The following WDFY4 variants were observed in gnomAD, a reference collection of about 807,000 sequenced individuals.
WDFY4 encodes WDFY family member 4, also known as WD repeat- and FYVE domain-containing protein 4.
In WDFY4, 169 loss-of-function variants were observed where a neutral mutation model predicts 351.9. The observed-to-expected ratio is 0.48, with a 90% CI of 0.42 to 0.55. The LOEUF (loss-of-function observed/expected upper bound fraction) is 0.55, where lower values mean the gene tolerates loss of function less well. Among genes scored for constraint, WDFY4 ranks in the 20% least tolerant of loss-of-function variants. The probability of loss-of-function intolerance (pLI) is 0.00; values close to 1 mark genes in which losing one functional copy is unlikely to be tolerated. For missense variants in WDFY4, 3,803 were observed against 3,935.6 expected, an observed-to-expected ratio of 0.97 and a Z score of 0.90; for synonymous variants, 1,622 against 1,574.6, an observed-to-expected ratio of 1.03 and a Z score of -0.71.
chr10:48,910,388 G>A, intron 47 of WDFY4: 1 of 785,420 alleles, frequency 1.3e-6, no homozygotes, highest in Non-Finnish European at 2.3e-6. Context: ...AGTGTGAATG[G>A]GGGTTTTGTT....
chr10:48,819,068 C>T (rs1435054321), intron 32 of WDFY4, among the ~76,000 whole-genome samples: 1 of 152,258 alleles, frequency 6.6e-6, no homozygotes, highest in Non-Finnish European at 1.5e-5. Flanking sequence ...CCGAGTGCCC[C>T]CGCCAGCAGC....
chr10:48,834,969 G>C (rs1436876598), intron 39 of WDFY4, among the ~76,000 whole-genome samples: 1 of 152,214 alleles, frequency 6.6e-6, no homozygotes, highest in African/African-American at 2.4e-5. Context: ...GGCTCACATT[G>C]AGAGATCTGG....
rs142947341 is a variant in WDFY4 at position 48,775,206 on chromosome 10, G to A, written c.2769-506G>A. Among the ~76,000 whole-genome samples the A allele has an allele frequency of 4.7e-3, 716 of 152,290 alleles. 3 individuals are homozygous for A. Among genetic ancestry groups the A allele is most frequent in the Non-Finnish European group, 7.5e-3 (510 of 68,008 alleles). On this transcript the variant is annotated intron_variant, in intron 14 of 61. Coordinates refer to ENST00000325239, the MANE Select transcript of WDFY4 (RefSeq NM_001394531.1). ...ACAGGGTGGGAAGCAGGGAGCAGACGTGGAAGACAAGAGAGCAGAGGGAAG... is the reference window on the plus strand; with the variant it reads ...ACAGGGTGGGAAGCAGGGAGCAGACATGGAAGACAAGAGAGCAGAGGGAAG...
rs1589714268 is a variant in WDFY4, at chr10:48,832,746, G to A, written c.6663+37G>A. The A allele has an allele frequency of 5.4e-6, 8 of 1,491,134 alleles. No individual in the cohort carries two copies. The East Asian group carries it at 1.3e-4, about 24-fold the overall frequency. 92.4% of individuals were successfully genotyped at this position (1,491,134 alleles called of 1,614,324 possible). On this transcript the variant is annotated intron_variant, in intron 39 of 61. Transcript: ENST00000325239. ...CCCCTTTTCCTCAGAAAAGTATCAG[G>A]CATTTGCTTCAAACCCCATGAGTCA...
rs563876497 is a variant in WDFY4 at position 48,844,421 on chromosome 10, G to A, written c.6663+11712G>A. 8.0e-4 allele frequency among the ~76,000 whole-genome samples: 121 copies of A among 152,112 alleles called. 1 individual carries two copies. The highest frequency in any genetic ancestry group is 1.3e-3 in the Non-Finnish European group (88 of 67,994). Reference sequence around the variant, plus strand: ...GGCCTGGCCAATATGATGAAACCCCGTCTCTACTAATAATACAAAAAGTAG... The same window carrying A: ...GGCCTGGCCAATATGATGAAACCCCATCTCTACTAATAATACAAAAAGTAG... On this transcript the variant is annotated intron_variant, in intron 39 of 61. Transcript: ENST00000325239.
chr10:48,914,334 G>A (rs1404517380), intron 47 of WDFY4: 6 of 673,186 alleles, frequency 8.9e-6, no homozygotes, highest in Non-Finnish European at 1.5e-5. Flanking sequence ...AAGCAAGAAA[G>A]AGGATTGCGG....
At chr10:48,724,212 G>A (rs1244421347) in intron 5 of WDFY4, among the ~76,000 whole-genome samples, 1 of 152,122 alleles carries the variant, frequency 6.6e-6, no homozygotes, top group South Asian at 2.1e-4. Flanking sequence ...TGTGGCCCGG[G>A]AGGATACAGA....
chr10:48,721,480 G>T, intron 4 of WDFY4, 113 bp downstream of exon 4: 1 of 969,092 alleles, frequency 1.0e-6, no homozygotes, highest in African/African-American at 1.6e-5. Flanking sequence ...CATAAAACAG[G>T]TTTATTATTT....
chr10:48,982,355 C>T (rs907962400), intron 61 of WDFY4, among the ~76,000 whole-genome samples, 154 bp from the exon 62 acceptor site: 2 of 152,108 alleles, frequency 1.3e-5, no homozygotes. Context: ...CTTCTCCATT[C>T]CTCCCACTGC....
intron 39 of WDFY4, among the ~76,000 whole-genome samples, chr10:48,857,089 T>C (rs1036932191): frequency 2.6e-5 from 4 of 152,250 alleles, no homozygotes; most frequent in African/African-American, 7.2e-5. Flanking sequence ...TAATTTTGTC[T>C]GCCAGTCATT....
chr10:48,856,614 A>G (rs1465594672), intron 39 of WDFY4, among the ~76,000 whole-genome samples: 1 of 152,180 alleles, frequency 6.6e-6, no homozygotes, highest in East Asian at 1.9e-4. Context: ...CCAAAACTCA[A>G]CAAGTAGTAA....
chr10:48,720,427 A>G (rs1361747041), intron 3 of WDFY4, among the ~76,000 whole-genome samples: 3 of 152,088 alleles, frequency 2.0e-5, no homozygotes, highest in African/African-American at 7.2e-5. Flanking sequence ...ATACACACAC[A>G]GACACTACAC....
At position 48,968,858 on chromosome 10, in the gene WDFY4, C is replaced by G. The variant is rs1366683048; in HGVS notation, c.8585-206C>G. 3 of 571,762 alleles carry G rather than the reference C, an allele frequency of 5.2e-6. No homozygotes were observed. The African/African-American group carries it at 5.6e-5, about 11-fold the overall frequency. 35.4% of individuals were successfully genotyped at this position (571,762 alleles called of 1,614,324 possible). On this transcript the variant is annotated intron_variant, in intron 55 of 61. Coordinates refer to ENST00000325239, the MANE Select transcript of WDFY4 (RefSeq NM_001394531.1). The stretch of plus-strand genomic sequence containing the variant: ...CTGTGACTCCTGCCCCGGGGCCCGG[C>G]TACAGTGGGTGCTGTCCTTCTGTGC...
Position 48,830,894 on chromosome 10 carries a change from C to G in WDFY4, c.6526+9C>G. Reference sequence around the variant, plus strand: ...CTGGCAGCATTACTTAGGTCTCTATCCACTCGGCTCCAGGGAATGGGAACT... The same window carrying G: ...CTGGCAGCATTACTTAGGTCTCTATGCACTCGGCTCCAGGGAATGGGAACT... On this transcript the variant is annotated intron_variant, in intron 38 of 61. Coordinates refer to ENST00000325239, the MANE Select transcript of WDFY4 (RefSeq NM_001394531.1). 1 of 1,547,044 alleles carries G rather than the reference C, an allele frequency of 6.5e-7. No individual in the cohort carries two copies. The highest frequency in any genetic ancestry group is 8.7e-7 in the Non-Finnish European group (1 of 1,143,648).
At chr10:48,798,850 G>T (rs578262025) in intron 24 of WDFY4, among the ~76,000 whole-genome samples, 1 of 152,372 alleles carries the variant, frequency 6.6e-6, no homozygotes, top group South Asian at 2.1e-4. Context: ...AGATTAGCCA[G>T]TTGAACCAGG....
intron 60 of WDFY4, among the ~76,000 whole-genome samples, chr10:48,979,455 C>G (rs1396862254): frequency 3.3e-5 from 5 of 152,220 alleles, no homozygotes; most frequent in Admixed American, 3.3e-4. Context: ...CAAATGCCCA[C>G]TTTTGAAGCT....
At chr10:48,894,711 C>T (rs2943245) in intron 44 of WDFY4, among the ~76,000 whole-genome samples, 53,206 of 152,060 alleles carry the variant, frequency 0.35, 11,301 homozygotes, top group Non-Finnish European at 0.47. Flanking sequence ...AACAGCCAGA[C>T]CTGCAGCTAA....
intron 2 of WDFY4, among the ~76,000 whole-genome samples, chr10:48,718,035 T>TC (rs1197942202): frequency 6.6e-6 from 1 of 152,200 alleles, no homozygotes. Context: ...TTCCTGTGAT[T>TC]CCCCCCATTC....
chr10:48,869,413 C>A (rs1000607646), intron 40 of WDFY4, among the ~76,000 whole-genome samples: 1 of 152,210 alleles, frequency 6.6e-6, no homozygotes, highest in Non-Finnish European at 1.5e-5. Context: ...TGAGAGGTGA[C>A]TGGAGATGGC....
Sources: allele counts gnomAD v4.1 joint callset (sites outside exome capture counted in the v4.1 genomes callset), GRCh38; gene constraint gnomAD v4.1.1; transcripts MANE v1.5; gene names NCBI Gene and HGNC (gene_info 2026-07-23, HGNC 2026-07-21).